The following QSER1 variants were observed in gnomAD, a reference collection of about 807,000 sequenced individuals.
QSER1 encodes the protein glutamine and serine-rich protein 1.
In QSER1, 49 loss-of-function variants were observed where a neutral mutation model predicts 158.5. The ratio of observed to expected loss-of-function variants is 0.31; its 90% CI spans 0.25 to 0.39. The LOEUF is 0.39. Among genes scored for constraint, QSER1 ranks in the 10% least tolerant of loss-of-function variants. The pLI is 1.00. For synonymous variants in QSER1, 650 were observed against 715.5 expected, an observed-to-expected ratio of 0.91 and a Z score of 1.46; for missense variants, 1,754 against 2,010.3, an observed-to-expected ratio of 0.87 and a Z score of 2.44.
chr11:32,956,450 T>C (rs1427006979), intron 7 of QSER1, among the ~76,000 whole-genome samples: 1 of 152,170 alleles, frequency 6.6e-6, no homozygotes, highest in Non-Finnish European at 1.5e-5. Context: ...AGCTCCCTTT[T>C]TCATCTATAA....
intron 4 of QSER1, among the ~76,000 whole-genome samples, chr11:32,953,069 G>A (rs1013874499): frequency 1.3e-5 from 2 of 151,924 alleles, no homozygotes; most frequent in African/African-American, 4.8e-5. Flanking sequence ...CCAAAGTGCT[G>A]GGATTACAGG....
Position 32,975,285 on chromosome 11 carries a change from C to T in QSER1, c.5396C>T (p.Ser1799Phe), listed in dbSNP as rs1246631134. ...AVDPEKIQLY[S>F]LYHSLHHYKY... Reference sequence around the variant, plus strand: ...GATCCAGAGAAAATACAGTTGTATTCTTTGTATCATTCACTCCATCATTAT... The same window carrying T: ...GATCCAGAGAAAATACAGTTGTATTTTTTGTATCATTCACTCCATCATTAT... The change falls in exon 12 of 13, where the codon TCT (serine) becomes TTT (phenylalanine). Residue 1799 changes from serine to phenylalanine, a missense_variant. Around this residue, in one of 2 missense-constraint regions of QSER1, gnomAD observed 47 missense variants for 90.7 expected, o/e 0.52. Coordinates refer to ENST00000650167, the MANE Select transcript of QSER1 (RefSeq NM_001076786.3). 1.3e-6 allele frequency: 2 copies of T among 1,594,034 alleles called. No individual in the cohort carries two copies. Among genetic ancestry groups the T allele is most frequent in the Non-Finnish European group, 1.7e-6 (2 of 1,167,234 alleles).
At chr11:32,973,320 T>A in intron 10 of QSER1, 77 bp from the exon 11 acceptor site, 1 of 1,497,502 alleles carries the variant, frequency 6.7e-7, no homozygotes, top group Non-Finnish European at 9.2e-7. Context: ...CACACACACT[T>A]CTAAATTTTA....
At chr11:32,947,642 C>G (rs926798453) in intron 4 of QSER1, among the ~76,000 whole-genome samples, 2 of 152,064 alleles carry the variant, frequency 1.3e-5, no homozygotes, top group African/African-American at 4.8e-5. Flanking sequence ...TTTGTGTAGT[C>G]TAAAATTTTA....
chr11:32,913,845 C>CTCTT (rs1367152519), intron 1 of QSER1, among the ~76,000 whole-genome samples: 1 of 152,160 alleles, frequency 6.6e-6, no homozygotes, highest in Non-Finnish European at 1.5e-5. Flanking sequence ...TGTGGCTAGC[C>CTCTT]TCTAAGTCAC....
chr11:32,961,039 G>T (rs1182016239), intron 8 of QSER1, among the ~76,000 whole-genome samples: 1 of 152,024 alleles, frequency 6.6e-6, no homozygotes, highest in Non-Finnish European at 1.5e-5. Context: ...TATTTAAAAT[G>T]AACCCATTAC....
chr11:32,909,156 CT>C (rs1344513239), intron 1 of QSER1, among the ~76,000 whole-genome samples: 5 of 152,104 alleles, frequency 3.3e-5, no homozygotes, highest in Admixed American at 2.0e-4. Context: ...AAGACTCCAT[CT>C]CAAAAAATGA....
intron 1 of QSER1, among the ~76,000 whole-genome samples, chr11:32,897,576 GTCTAA>G (rs1405888226): frequency 1.3e-5 from 2 of 152,128 alleles, no homozygotes; most frequent in Non-Finnish European, 2.9e-5. Flanking sequence ...CTCCTCTTCT[GTCTAA>G]TCTCTGCATG....
intron 1 of QSER1, among the ~76,000 whole-genome samples, chr11:32,923,520 A>T (rs1851924616): frequency 6.6e-6 from 1 of 151,440 alleles, no homozygotes; most frequent in Admixed American, 6.6e-5. Context: ...CTAAAAATAC[A>T]AAAAAAAATT....
intron 4 of QSER1, among the ~76,000 whole-genome samples, chr11:32,952,138 G>A (rs1193401737): frequency 6.6e-6 from 1 of 152,012 alleles, no homozygotes; most frequent in African/African-American, 2.4e-5. Flanking sequence ...CTGCGCCCAG[G>A]CCTTGGGATT....
chr11:32,970,624 C>T (rs1307891908), intron 10 of QSER1, among the ~76,000 whole-genome samples: 1 of 151,922 alleles, frequency 6.6e-6, no homozygotes, highest in East Asian at 1.9e-4. Flanking sequence ...AGGCTGGTCT[C>T]GAACTCCTGA....
intron 8 of QSER1, among the ~76,000 whole-genome samples, chr11:32,959,037 G>A (rs769958342): frequency 2.0e-5 from 3 of 152,164 alleles, no homozygotes; most frequent in Non-Finnish European, 4.4e-5. Context: ...TGAGATAGTT[G>A]TAATACATAA....
chr11:32,909,502 C>T (rs950655084), intron 1 of QSER1, among the ~76,000 whole-genome samples: 3 of 151,564 alleles, frequency 2.0e-5, no homozygotes, highest in South Asian at 4.2e-4. Context: ...TGCAGTAGCA[C>T]GATCTTGGCT....
At chr11:32,936,091 A>C (rs1001102385) in intron 4 of QSER1, among the ~76,000 whole-genome samples, 1 of 152,128 alleles carries the variant, frequency 6.6e-6, no homozygotes, top group Non-Finnish European at 1.5e-5. Flanking sequence ...CACAACGTGC[A>C]GGTTAGTTAC....
intron 1 of QSER1, among the ~76,000 whole-genome samples, chr11:32,904,681 T>C (rs1183085203): frequency 6.7e-6 from 1 of 148,840 alleles, no homozygotes; most frequent in Non-Finnish European, 1.5e-5. Flanking sequence ...GTTCCTAAAA[T>C]GGTGTTAGGA....
Position 32,935,437 on chromosome 11 carries a change from T to TA in QSER1, c.4177+5dup. The TA allele has an allele frequency of 1.3e-6, 2 of 1,484,378 alleles. No individual in the cohort carries two copies. Among genetic ancestry groups the TA allele is most frequent in the Non-Finnish European group, 1.8e-6 (2 of 1,120,490 alleles). 92.0% of individuals were successfully genotyped at this position (1,484,378 alleles called of 1,614,324 possible). ...CTTCTGATAAAAAGAAGAAAACAGG[T>TA]AAAGTTTTACAATTTAGATTCATAA... On this transcript the variant is annotated splice_region_variant and intron_variant, in intron 4 of 12. Coordinates refer to ENST00000650167, the MANE Select transcript of QSER1 (RefSeq NM_001076786.3).
At chr11:32,908,671 A>T (rs1851723922) in intron 1 of QSER1, among the ~76,000 whole-genome samples, 1 of 152,216 alleles carries the variant, frequency 6.6e-6, no homozygotes, top group Non-Finnish European at 1.5e-5. Context: ...AACTCTTTTG[A>T]TGGACATTTG....
intron 1 of QSER1, among the ~76,000 whole-genome samples, chr11:32,915,248 T>G (rs1200143367): frequency 6.6e-6 from 1 of 152,198 alleles, no homozygotes; most frequent in East Asian, 1.9e-4. Flanking sequence ...TTTTTTAAAA[T>G]GTGACAGTGA....
At chr11:32,915,394 G>A (rs1377329257) in intron 1 of QSER1, among the ~76,000 whole-genome samples, 2 of 152,126 alleles carry the variant, frequency 1.3e-5, no homozygotes, top group Admixed American at 6.5e-5. Context: ...TTGAGACTTG[G>A]TTCATTCTCC....
Sources: allele counts gnomAD v4.1 joint callset (sites outside exome capture counted in the v4.1 genomes callset), GRCh38; gene constraint gnomAD v4.1.1; regional missense constraint gnomAD v4.1.1; transcripts MANE v1.5; gene names NCBI Gene and HGNC (gene_info 2026-07-23, HGNC 2026-07-21).